The following NTM variants were observed in gnomAD, a reference collection of about 807,000 sequenced individuals.
NTM encodes neurotrimin.
NTM carries 13 observed loss-of-function variants against 42.1 expected under a neutral mutation model. That is an observed-to-expected ratio of 0.31 (90% CI 0.20 to 0.49). NTM has a LOEUF of 0.49. Among genes scored for constraint, NTM ranks in the 20% least tolerant of loss-of-function variants. NTM has a pLI of 0.99. For synonymous variants in NTM, 187 were observed against 179.2 expected (o/e 1.04, Z -0.35); for missense variants, 373 against 452.8 (o/e 0.82, Z 1.60).
At chr11:131,737,420 T>C (rs1327309963) in intron 1 of NTM, among the ~76,000 whole-genome samples, 3 of 152,228 alleles carry the variant, frequency 2.0e-5, no homozygotes, top group African/African-American at 7.2e-5. Flanking sequence ...GCACATTTGT[T>C]CCACTTCCCT....
chr11:131,782,174 G>A (rs1479007005), intron 1 of NTM, among the ~76,000 whole-genome samples: 1 of 152,062 alleles, frequency 6.6e-6, no homozygotes, highest in East Asian at 1.9e-4. Flanking sequence ...TACAGAAGAG[G>A]TGACAATTAG....
At chr11:132,195,110 A>C (rs1414837777) in intron 3 of NTM, among the ~76,000 whole-genome samples, 1 of 152,104 alleles carries the variant, frequency 6.6e-6, no homozygotes, top group Non-Finnish European at 1.5e-5. Flanking sequence ...AGTGTGAGCC[A>C]CTGCACCTGA....
intron 3 of NTM, among the ~76,000 whole-genome samples, chr11:132,207,174 C>A (rs1201560574): frequency 6.6e-6 from 1 of 152,170 alleles, no homozygotes. Flanking sequence ...GGCCACACAG[C>A]AGGAGGTGAG....
chr11:131,734,652 C>T (rs576327115), intron 1 of NTM, among the ~76,000 whole-genome samples: 2 of 152,270 alleles, frequency 1.3e-5, no homozygotes, highest in African/African-American at 4.8e-5. Flanking sequence ...GGTAGCTACA[C>T]TATCAATACC....
At chr11:131,504,057 G>A (rs988934504) in intron 1 of NTM, among the ~76,000 whole-genome samples, 1 of 152,114 alleles carries the variant, frequency 6.6e-6, no homozygotes, top group Non-Finnish European at 1.5e-5. Flanking sequence ...AGCTGTCTCT[G>A]ACCCACACTT....
intron 1 of NTM, among the ~76,000 whole-genome samples, chr11:131,637,665 G>A (rs1329067021): frequency 2.0e-5 from 3 of 151,686 alleles, no homozygotes; most frequent in African/African-American, 7.3e-5. Context: ...CTCTGCTCCC[G>A]TTCCTCACCA....
At chr11:131,711,937 A>T (rs1327956076) in intron 1 of NTM, among the ~76,000 whole-genome samples, 3 of 135,334 alleles carry the variant, frequency 2.2e-5, no homozygotes, top group Non-Finnish European at 3.1e-5. Context: ...AACAATGAGA[A>T]CACATGGACA....
chr11:131,748,122 T>A (rs1182288330), intron 1 of NTM, among the ~76,000 whole-genome samples: 1 of 152,242 alleles, frequency 6.6e-6, no homozygotes, highest in African/African-American at 2.4e-5. Context: ...GGTATTAGAA[T>A]TGTACATGCT....
intron 1 of NTM, among the ~76,000 whole-genome samples, chr11:131,493,496 T>C (rs1955015092): frequency 6.6e-6 from 1 of 152,152 alleles, no homozygotes; most frequent in African/African-American, 2.4e-5. Context: ...AAATTCTCTT[T>C]GAACCCACAG....
chr11:131,797,504 G>T (rs2091696237), intron 1 of NTM, among the ~76,000 whole-genome samples: 1 of 152,198 alleles, frequency 6.6e-6, no homozygotes, highest in African/African-American at 2.4e-5. Context: ...AATGGGACCT[G>T]TGCAAAGATA....
At chr11:132,296,932 T>G (rs963730022) in intron 4 of NTM, among the ~76,000 whole-genome samples, 3 of 152,196 alleles carry the variant, frequency 2.0e-5, no homozygotes, top group Non-Finnish European at 2.9e-5. Flanking sequence ...CAGAATAGAT[T>G]TTGAGAAATG....
In NTM at chr11:132,003,811, C is replaced by G. The variant is rs1183957492; in HGVS notation, c.167+92163C>G. On this transcript the variant is annotated intron_variant, in intron 2 of 8. Transcript: ENST00000683400. The surrounding 1 kb of genome is among the most constrained non-coding windows in gnomAD (Gnocchi z 6.0). ...TTTCTGGACCTGCCACTTACAGAAC[C>G]AGCTTCATTGAGATGTTGTTTAAAA... Among the ~76,000 whole-genome samples, 1 of 152,136 alleles carries G rather than the reference C, an allele frequency of 6.6e-6. No homozygotes were observed. The highest frequency in any genetic ancestry group is 2.4e-5 in the African/African-American group (1 of 41,428).
intron 1 of NTM, among the ~76,000 whole-genome samples, chr11:131,559,139 G>T (rs1445026004): frequency 6.6e-6 from 1 of 152,178 alleles, no homozygotes; most frequent in Non-Finnish European, 1.5e-5. Flanking sequence ...GTTTGCGTTT[G>T]TTTACTTCCC....
intron 1 of NTM, chr11:131,660,265 G>A: frequency 2.9e-6 from 1 of 350,168 alleles, no homozygotes; most frequent in Non-Finnish European, 5.7e-6. Context: ...TGGCCTCAGG[G>A]TGCTGCAATA....
At chr11:131,627,581 C>G (rs1040314957) in intron 1 of NTM, among the ~76,000 whole-genome samples, 2 of 152,030 alleles carry the variant, frequency 1.3e-5, no homozygotes, top group African/African-American at 4.8e-5. Context: ...CCTATAATCC[C>G]AGCATTTTGG....
At chr11:132,063,185 G>A (rs56332570) in intron 2 of NTM, among the ~76,000 whole-genome samples, 38,117 of 151,924 alleles carry the variant, frequency 0.25, 5,127 homozygotes, top group African/African-American at 0.33. Context: ...CTCCCTTTTG[G>A]GAGCCTCTGG....
At chr11:131,804,497 C>A (rs2092367217) in intron 1 of NTM, among the ~76,000 whole-genome samples, 1 of 152,146 alleles carries the variant, frequency 6.6e-6, no homozygotes, top group Non-Finnish European at 1.5e-5. Flanking sequence ...CTCAGTGAGA[C>A]CTCTGGATTT....
chr11:131,462,153 C>G (rs145730123), intron 1 of NTM, among the ~76,000 whole-genome samples: 2 of 152,252 alleles, frequency 1.3e-5, no homozygotes, highest in African/African-American at 4.8e-5. Context: ...AAATGCAGAT[C>G]CAAGAGGCTG....
At chr11:131,761,191 C>T (rs934037830) in intron 1 of NTM, among the ~76,000 whole-genome samples, 3 of 152,146 alleles carry the variant, frequency 2.0e-5, no homozygotes, top group Non-Finnish European at 4.4e-5. Context: ...ACCTGTTATG[C>T]GTTACGGCTT....
Sources: gnomAD v4.1 joint callset for allele counts (sites outside exome capture counted in the v4.1 genomes callset) on GRCh38, gnomAD v4.1.1 for gene constraint, Gnocchi (gnomAD v3.1) non-coding constraint, MANE v1.5 for transcripts, NCBI Gene and HGNC (gene_info 2026-07-23, HGNC 2026-07-21) for gene names.